Variants in PARD3B observed in about 807,000 individuals in gnomAD.
PARD3B encodes the protein par-3 family cell polarity regulator beta, also known as partitioning defective 3 homolog B.
Under a neutral mutation model 130.2 loss-of-function variants are expected in PARD3B, and 103 were observed. The observed-to-expected ratio is 0.79, with a 90% CI of 0.67 to 0.93. PARD3B has a LOEUF of 0.93. PARD3B is among the 40% of genes least tolerant of loss of function. PARD3B has a pLI of 0.00. For missense variants in PARD3B, 1,609 were observed against 1,499.2 expected (o/e 1.07, Z -1.21); for synonymous variants, 583 against 553.2 (o/e 1.05, Z -0.76).
intron 20 of PARD3B, among the ~76,000 whole-genome samples, chr2:205,478,994 G>A (rs1427534614): frequency 6.6e-6 from 1 of 152,094 alleles, no homozygotes; most frequent in East Asian, 1.9e-4. Flanking sequence ...AAAACAGGAG[G>A]CCATAAGAAC....
At chr2:204,766,675 C>G (rs1188817495) in intron 2 of PARD3B, among the ~76,000 whole-genome samples, 1 of 151,766 alleles carries the variant, frequency 6.6e-6, no homozygotes, top group African/African-American at 2.4e-5. Context: ...ATGCAGACAT[C>G]AGTGCTGTTA....
At chr2:204,871,587 A>AT (rs1031847094) in intron 2 of PARD3B, among the ~76,000 whole-genome samples, 1 of 152,124 alleles carries the variant, frequency 6.6e-6, no homozygotes, top group African/African-American at 2.4e-5. Context: ...GATATGAATG[A>AT]TTTTTTTCCT....
At chr2:204,782,494 G>A (rs944270071) in intron 2 of PARD3B, among the ~76,000 whole-genome samples, 2 of 149,750 alleles carry the variant, frequency 1.3e-5, no homozygotes, top group African/African-American at 2.4e-5. Flanking sequence ...GTAATATATA[G>A]TATATTCATG....
In PARD3B at chr2:204,717,222, T is replaced by G. The variant is rs1175546188; in HGVS notation, c.222+30940T>G. ...TTATTTAACTCTTTAGGAAATAGAT[T>G]TAGAGAAACCTGAGACTTGGGTACT... On this transcript the variant is annotated intron_variant, in intron 2 of 22. Coordinates refer to ENST00000406610, the MANE Select transcript of PARD3B (RefSeq NM_001302769.2). 5.9e-5 allele frequency among the ~76,000 whole-genome samples: 9 copies of G among 152,186 alleles called. 1 individual carries two copies. Among genetic ancestry groups the G allele is most frequent in the Admixed American group, 3.9e-4 (6 of 15,282 alleles).
intron 3 of PARD3B, among the ~76,000 whole-genome samples, chr2:205,007,337 T>C (rs1231376653): frequency 6.6e-6 from 1 of 152,198 alleles, no homozygotes; most frequent in African/African-American, 2.4e-5. Context: ...GAAAATGGAC[T>C]AATACGCCAT....
chr2:205,286,287 C>A lies in PARD3B; in HGVS notation c.2186-14243C>A, dbSNP rs186963510. ...ATGAGGATAATATTAGTGTATACCTCATATAATTACATGAGTTAATAGATA... is the reference window on the plus strand; with the variant it reads ...ATGAGGATAATATTAGTGTATACCTAATATAATTACATGAGTTAATAGATA... On this transcript the variant is annotated intron_variant, in intron 16 of 22. Transcript: ENST00000406610. Among the ~76,000 whole-genome samples, 188 of 152,168 alleles carry A rather than the reference C, an allele frequency of 1.2e-3. 1 individual carries two copies. Among genetic ancestry groups the A allele is most frequent in the African/African-American group, 4.3e-3 (179 of 41,520 alleles).
At chr2:205,275,976 G>C (rs535595500) in intron 16 of PARD3B, among the ~76,000 whole-genome samples, 2 of 152,078 alleles carry the variant, frequency 1.3e-5, no homozygotes, top group African/African-American at 4.8e-5. Context: ...TATGAGAATG[G>C]TGTTTGCATT....
chr2:204,688,387 G>C (rs142557979), intron 2 of PARD3B, among the ~76,000 whole-genome samples: 4,425 of 151,922 alleles, frequency 0.029, 113 homozygotes, highest in Middle Eastern at 0.048. Flanking sequence ...GGATCATCCT[G>C]GCTAACACAG....
chr2:205,327,625 CTTT>C (rs2042980608), intron 18 of PARD3B, among the ~76,000 whole-genome samples: 1 of 152,112 alleles, frequency 6.6e-6, no homozygotes, highest in Admixed American at 6.6e-5. Flanking sequence ...ATACTCCTCC[CTTT>C]TTTTACTCTT....
Position 205,401,465 on chromosome 2 carries a change from T to G in PARD3B, c.2741+342T>G, listed in dbSNP as rs1574929171. Among the ~76,000 whole-genome samples, 2 of 152,306 alleles carry G rather than the reference T, an allele frequency of 1.3e-5. 1 individual carries two copies. The highest frequency in any genetic ancestry group is 4.8e-5 in the African/African-American group (2 of 41,576). Reference sequence around the variant, plus strand: ...TTAGAACTATCCAGTTCCCATAGTCTGTTCCTAATTTTAGTCAGGCTGTTG... The same window carrying G: ...TTAGAACTATCCAGTTCCCATAGTCGGTTCCTAATTTTAGTCAGGCTGTTG... On this transcript the variant is annotated intron_variant, in intron 19 of 22. Coordinates refer to ENST00000406610, the MANE Select transcript of PARD3B (RefSeq NM_001302769.2).
rs747869896 is a variant in PARD3B, at chr2:204,979,692, A to G, written c.394+14369A>G. Among the ~76,000 whole-genome samples, 6 of 152,320 alleles carry G rather than the reference A, an allele frequency of 3.9e-5. 1 individual carries two copies. The highest frequency in any genetic ancestry group is 6.8e-3 in the Middle Eastern group (2 of 294). Reference sequence around the variant, plus strand: ...GTAATTTTGGCACAAGAACAGAACAATGGAGTAGAATAGAAATTATAGCAA... The same window carrying G: ...GTAATTTTGGCACAAGAACAGAACAGTGGAGTAGAATAGAAATTATAGCAA... On this transcript the variant is annotated intron_variant, in intron 3 of 22. Transcript: ENST00000406610.
intron 1 of PARD3B, among the ~76,000 whole-genome samples, chr2:204,658,207 A>C (rs2035698077): frequency 6.6e-6 from 1 of 152,222 alleles, no homozygotes; most frequent in Admixed American, 6.5e-5. Context: ...AAAGTTAAAA[A>C]AAAAATCTAT....
intron 2 of PARD3B, among the ~76,000 whole-genome samples, chr2:204,926,755 T>C (rs1400996398): frequency 6.6e-6 from 1 of 152,138 alleles, no homozygotes; most frequent in Admixed American, 6.5e-5. Flanking sequence ...GGATACACTC[T>C]AGCAATTTCT....
intron 3 of PARD3B, among the ~76,000 whole-genome samples, chr2:205,036,494 T>A (rs905557442): frequency 9.5e-5 from 14 of 148,038 alleles, no homozygotes; most frequent in African/African-American, 3.4e-4. Flanking sequence ...TAAAAACATA[T>A]AGCAGACTAT....
intron 1 of PARD3B, among the ~76,000 whole-genome samples, chr2:204,616,673 T>C (rs1349949711): frequency 6.6e-6 from 1 of 152,198 alleles, no homozygotes; most frequent in Non-Finnish European, 1.5e-5. Context: ...ACATGTATAT[T>C]TATAGCAGCT....
chr2:205,148,119 A>G (rs1387579673), intron 10 of PARD3B, among the ~76,000 whole-genome samples: 2 of 152,006 alleles, frequency 1.3e-5, no homozygotes. Flanking sequence ...CATATTGTCT[A>G]TCTATCTATA....
At chr2:205,216,734 C>T (rs570536191) in intron 15 of PARD3B, among the ~76,000 whole-genome samples, 5 of 152,156 alleles carry the variant, frequency 3.3e-5, no homozygotes, top group Admixed American at 6.6e-5. Flanking sequence ...TTTAGGTCAA[C>T]ACAGAACAGT....
chr2:204,868,120 A>G (rs758260400), intron 2 of PARD3B, among the ~76,000 whole-genome samples: 1 of 152,176 alleles, frequency 6.6e-6, no homozygotes, highest in Admixed American at 6.5e-5. Flanking sequence ...TGAAGGGTCT[A>G]TGTGAATGAC....
intron 3 of PARD3B, among the ~76,000 whole-genome samples, chr2:204,965,658 A>G (rs1483704637): frequency 2.0e-5 from 3 of 152,204 alleles, no homozygotes; most frequent in South Asian, 2.1e-4. Flanking sequence ...GCCAAGGTTT[A>G]TCAAAGAATC....
Sources: allele counts gnomAD v4.1 joint callset (sites outside exome capture counted in the v4.1 genomes callset), GRCh38; gene constraint gnomAD v4.1.1; transcripts MANE v1.5; gene names NCBI Gene and HGNC (gene_info 2026-07-23, HGNC 2026-07-21).